The following GPC6 variants were observed in gnomAD, a reference collection of about 807,000 sequenced individuals.
GPC6 encodes glypican-6.
GPC6 carries 14 observed loss-of-function variants against 55.2 expected under a neutral mutation model. The observed-to-expected ratio is 0.25, with a 90% CI of 0.17 to 0.40. GPC6 has a LOEUF of 0.40. Among genes scored for constraint, GPC6 ranks in the 10% least tolerant of loss-of-function variants. The pLI is 1.00. For synonymous variants in GPC6, 278 were observed against 259.6 expected, an observed-to-expected ratio of 1.07 and a Z score of -0.68; for missense variants, 641 against 708.5, an observed-to-expected ratio of 0.90 and a Z score of 1.08.
intron 2 of GPC6, among the ~76,000 whole-genome samples, chr13:93,603,184 T>A (rs979936932): frequency 6.6e-6 from 1 of 151,934 alleles, no homozygotes; most frequent in Non-Finnish European, 1.5e-5. Flanking sequence ...TAATTTTTTA[T>A]TATTTGTAAA....
intron 4 of GPC6, among the ~76,000 whole-genome samples, chr13:94,209,394 T>A (rs182343485): frequency 1.7e-4 from 26 of 152,340 alleles, no homozygotes; most frequent in Non-Finnish European, 4.4e-5. Context: ...ATTATGAACT[T>A]GTTAAAAGAG....
At chr13:93,463,143 G>A (rs1878765273) in intron 1 of GPC6, among the ~76,000 whole-genome samples, 1 of 152,054 alleles carries the variant, frequency 6.6e-6, no homozygotes, top group Non-Finnish European at 1.5e-5. Flanking sequence ...CTCATTTGGG[G>A]CAACTTTTAG....
At chr13:94,100,907 A>T (rs1885833515) in intron 4 of GPC6, among the ~76,000 whole-genome samples, 1 of 152,230 alleles carries the variant, frequency 6.6e-6, no homozygotes, top group South Asian at 2.1e-4. Flanking sequence ...TAACAGTTTG[A>T]GAGTGTAAAC....
chr13:93,269,788 A>T (rs998548570), intron 1 of GPC6, among the ~76,000 whole-genome samples: 4 of 148,790 alleles, frequency 2.7e-5, no homozygotes, highest in Non-Finnish European at 6.0e-5. Context: ...AAAAAAAAAA[A>T]AATTAACGGG....
intron 3 of GPC6, among the ~76,000 whole-genome samples, chr13:93,848,171 T>C (rs1888265757): frequency 6.6e-6 from 1 of 152,116 alleles, no homozygotes; most frequent in Non-Finnish European, 1.5e-5. Context: ...TGTCAGAGTA[T>C]TTCCAACAGA....
Position 93,709,354 on chromosome 13 carries a change from C to T in GPC6, c.320-120800C>T, listed in dbSNP as rs188824783. 3.5e-3 allele frequency among the ~76,000 whole-genome samples: 527 copies of T among 151,820 alleles called. 4 individuals carry two copies. Among genetic ancestry groups the T allele is most frequent in the African/African-American group, 0.012 (500 of 41,496 alleles). ...CCATCTAAGTTACAGACATTCCTTC[C>T]GTATAGAGATTGAGAACATCTGGTT... On this transcript the variant is annotated intron_variant, in intron 2 of 8. Transcript: ENST00000377047.
chr13:93,611,331 G>A (rs80141256), intron 2 of GPC6, among the ~76,000 whole-genome samples: 1 of 151,982 alleles, frequency 6.6e-6, no homozygotes, highest in Non-Finnish European at 1.5e-5. Flanking sequence ...GCATATTAAG[G>A]TTAGGTTAAA....
intron 5 of GPC6, among the ~76,000 whole-genome samples, chr13:94,290,703 C>G (rs1191685428): frequency 6.6e-6 from 1 of 152,048 alleles, no homozygotes; most frequent in East Asian, 1.9e-4. Context: ...GTATAAAATA[C>G]CTTGTTATTA....
At chr13:93,985,266 G>A (rs566953128) in intron 3 of GPC6, among the ~76,000 whole-genome samples, 2 of 152,078 alleles carry the variant, frequency 1.3e-5, no homozygotes, top group East Asian at 1.9e-4. Context: ...GTGAAACCCC[G>A]TCTCTACTAA....
intron 2 of GPC6, among the ~76,000 whole-genome samples, chr13:93,629,013 A>T (rs1879319043): frequency 6.7e-6 from 1 of 149,854 alleles, no homozygotes; most frequent in African/African-American, 2.4e-5. Flanking sequence ...TTAACATGAG[A>T]TGTAAAACTG....
At chr13:93,914,927 A>G (rs897064939) in intron 3 of GPC6, among the ~76,000 whole-genome samples, 9 of 152,302 alleles carry the variant, frequency 5.9e-5, no homozygotes, top group African/African-American at 2.2e-4. Flanking sequence ...TTTCACCACA[A>G]AGAACCTGGA....
At chr13:93,392,764 G>T (rs1875678839) in intron 1 of GPC6, among the ~76,000 whole-genome samples, 1 of 152,080 alleles carries the variant, frequency 6.6e-6, no homozygotes, top group African/African-American at 2.4e-5. Flanking sequence ...TAACCGTAGT[G>T]AAATATTTTT....
intron 7 of GPC6, among the ~76,000 whole-genome samples, chr13:94,387,409 G>A (rs1209835296): frequency 2.0e-5 from 3 of 152,122 alleles, no homozygotes; most frequent in African/African-American, 7.2e-5. Flanking sequence ...AGTGGTTAAG[G>A]GAATGTCTTC....
Position 94,306,039 on chromosome 13 carries a change from T to C in GPC6, c.1068T>C (p.Ala356=). ...CAGCCCTCAGATCTGCCCGCTCAGC[T>C]CCTGAAAATTTTAATACACGTTTCA... is the stretch of plus-strand genomic sequence containing the variant. ...PAPALRSARS[A]PENFNTRFRP... The change falls in exon 6 of 9, where the codon GCT becomes GCC. Residue 356 remains alanine, a synonymous_variant. Coordinates refer to ENST00000377047, the MANE Select transcript of GPC6 (RefSeq NM_005708.5). 1 of 1,614,106 alleles carries C rather than the reference T, an allele frequency of 6.2e-7. No homozygotes were observed. The highest frequency in any genetic ancestry group is 8.5e-7 in the Non-Finnish European group (1 of 1,179,950).
chr13:93,341,695 C>CTTTTTTTTTTTTTCTTTTT (rs1880259788), intron 1 of GPC6, among the ~76,000 whole-genome samples: 1 of 142,564 alleles, frequency 7.0e-6, no homozygotes, highest in African/African-American at 2.6e-5. Flanking sequence ...TACTCCGCTG[C>CTTTTTTTTTTTTTCTTTTT]TTTTTTTTTT....
chr13:94,320,629 C>A (rs751447427), intron 6 of GPC6, among the ~76,000 whole-genome samples: 8 of 152,172 alleles, frequency 5.3e-5, no homozygotes, highest in Non-Finnish European at 1.0e-4. Flanking sequence ...ACTCTCCTGT[C>A]CTTGCCCACC....
chr13:93,759,063 A>C (rs937511030), intron 2 of GPC6, among the ~76,000 whole-genome samples: 7 of 151,996 alleles, frequency 4.6e-5, no homozygotes, highest in African/African-American at 1.7e-4. Flanking sequence ...GCCCCCTTCC[A>C]TTAAGCTGCA....
intron 4 of GPC6, among the ~76,000 whole-genome samples, chr13:94,252,952 A>G: frequency 1.1e-5 from 1 of 90,122 alleles, no homozygotes; most frequent in South Asian, 4.0e-4. Context: ...CATCCAGAAT[A>G]AAAAAGAAAA....
chr13:94,365,307 G>T (rs906957477), intron 6 of GPC6, among the ~76,000 whole-genome samples: 6 of 152,152 alleles, frequency 3.9e-5, no homozygotes, highest in Non-Finnish European at 8.8e-5. Flanking sequence ...GGGTGCTGTG[G>T]TTTACATTCT....
Sources: gnomAD v4.1 joint callset for allele counts (sites outside exome capture counted in the v4.1 genomes callset) on GRCh38, gnomAD v4.1.1 for gene constraint, MANE v1.5 for transcripts, NCBI Gene and HGNC (gene_info 2026-07-23, HGNC 2026-07-21) for gene names.